CLVS1: variants seen among roughly 807,000 people sequenced by gnomAD.
CLVS1 encodes the protein clavesin 1, also known as clavesin-1.
In CLVS1, 10 loss-of-function variants were observed where a neutral mutation model predicts 33.1. That is an observed-to-expected ratio of 0.30 (90% confidence interval 0.19 to 0.51). The LOEUF (loss-of-function observed/expected upper bound fraction) is 0.51. Ranked by LOEUF, CLVS1 falls within the 20% of genes least tolerant of loss-of-function variation. The pLI, the probability that CLVS1 is intolerant of heterozygous loss-of-function variation, is 0.97. For synonymous variants in CLVS1, 163 were observed against 166.1 expected (o/e 0.98, Z 0.14); for missense variants, 343 against 433.4 (o/e 0.79, Z 1.85).
At chr8:61,414,108 G>A (rs1306065424) in intron 3 of CLVS1, among the ~76,000 whole-genome samples, 2 of 152,160 alleles carry the variant, frequency 1.3e-5, no homozygotes, top group Non-Finnish European at 2.9e-5. Context: ...AATTAAATGA[G>A]GGGAGGGAAA....
chr8:61,455,309 A>G (rs1817110627), intron 4 of CLVS1, among the ~76,000 whole-genome samples: 1 of 151,942 alleles, frequency 6.6e-6, no homozygotes, highest in South Asian at 2.1e-4. Context: ...TCCAAAATCT[A>G]TTCTCATCCT....
rs59169082 is a variant in CLVS1, at chr8:61,074,384, G to A, written c.-243+17154G>A. 1.4e-3 allele frequency among the ~76,000 whole-genome samples: 71 copies of A among 50,380 alleles called. 3 individuals are homozygous for A. In the African/African-American group the frequency reaches 0.015, roughly 11 times the overall value. 33.1% of individuals were successfully genotyped at this position (50,380 alleles called of 152,430 possible). On this transcript the variant is annotated intron_variant, in intron 1 of 2. Transcript: ENST00000522621. ...TGTATATATATATATATAAGTATAT[G>A]TGTATATATATATGTTATATATATA...
At chr8:61,128,042 CATT>C (rs1446343405) in intron 1 of CLVS1, among the ~76,000 whole-genome samples, 3 of 152,224 alleles carry the variant, frequency 2.0e-5, no homozygotes, top group African/African-American at 7.2e-5. Context: ...TTTGAAAACT[CATT>C]AACCAGCTGC....
At chr8:61,131,430 T>G (rs1378943905) in intron 1 of CLVS1, among the ~76,000 whole-genome samples, 2 of 152,182 alleles carry the variant, frequency 1.3e-5, no homozygotes, top group African/African-American at 2.4e-5. Context: ...GGGACAATAT[T>G]GGGCTGGGAG....
At chr8:61,074,140 C>A (rs1585589692) in intron 1 of CLVS1, among the ~76,000 whole-genome samples, 1 of 151,228 alleles carries the variant, frequency 6.6e-6, no homozygotes, top group East Asian at 1.9e-4. Flanking sequence ...GAGTTTGAGA[C>A]CAGCCTGCAC....
At chr8:61,167,258 G>C (rs1210656427) in intron 2 of CLVS1, among the ~76,000 whole-genome samples, 1 of 147,470 alleles carries the variant, frequency 6.8e-6, no homozygotes, top group Non-Finnish European at 1.5e-5. Flanking sequence ...GCAATGGCAT[G>C]ATCTCTGCTC....
chr8:61,376,546 G>T, intron 2 of CLVS1, 59 bp from the exon 3 acceptor site: 1 of 1,535,624 alleles, frequency 6.5e-7, no homozygotes, highest in Non-Finnish European at 8.9e-7. Context: ...ACTGTTGCAC[G>T]CAACATGCTA....
chr8:61,034,651 A>G, the CLVS1 span, among the ~76,000 whole-genome samples: 2 of 152,262 alleles, frequency 1.3e-5, no homozygotes, highest in South Asian at 4.1e-4. Context: ...GATCTTGCTT[A>G]TGTAATTTGG....
chr8:61,377,061 A>G, intron 3 of CLVS1: 1 of 299,542 alleles, frequency 3.3e-6, no homozygotes. Flanking sequence ...TCCATCAGAG[A>G]GTTCACAAAA....
chr8:61,358,887 T>A (rs1250604614), intron 2 of CLVS1, among the ~76,000 whole-genome samples: 1 of 152,214 alleles, frequency 6.6e-6, no homozygotes, highest in African/African-American at 2.4e-5. Flanking sequence ...TTTAAATGTA[T>A]ATTTTTTCTG....
At chr8:61,251,355 G>C (rs1233729462) in intron 2 of CLVS1, among the ~76,000 whole-genome samples, 1 of 152,210 alleles carries the variant, frequency 6.6e-6, no homozygotes, top group Non-Finnish European at 1.5e-5. Flanking sequence ...GTTCATCAGG[G>C]ATATTGGCGT....
In CLVS1 at chr8:61,192,641, A is replaced by G. The variant is rs189454830; in HGVS notation, c.-152+60781A>G. On this transcript the variant is annotated intron_variant, in intron 2 of 2. Transcript: ENST00000522621. ...CTCATCTGACAAAGGGCTAATATCC[A>G]GAATCTACAAAGAACTCAAACAAAT... 8.5e-4 allele frequency among the ~76,000 whole-genome samples: 129 copies of G among 152,390 alleles called. 1 individual carries two copies. The highest frequency in any genetic ancestry group is 3.1e-3 in the Admixed American group (47 of 15,302).
chr8:61,405,221 A>G (rs1476483307), intron 3 of CLVS1, among the ~76,000 whole-genome samples: 1 of 152,174 alleles, frequency 6.6e-6, no homozygotes, highest in Non-Finnish European at 1.5e-5. Flanking sequence ...TAAAAACTCC[A>G]TTACTTGTTT....
At chr8:61,024,624 CA>C in the CLVS1 span, among the ~76,000 whole-genome samples, 9 of 152,148 alleles carry the variant, frequency 5.9e-5, no homozygotes, top group African/African-American at 1.2e-4. Flanking sequence ...TCTCTCCCCC[CA>C]GTCAAGTGTT....
At chr8:61,412,733 G>C (rs183713842) in intron 3 of CLVS1, among the ~76,000 whole-genome samples, 128 of 152,332 alleles carry the variant, frequency 8.4e-4, no homozygotes, top group Middle Eastern at 3.4e-3. Flanking sequence ...GTTTAGCTAA[G>C]ACTAAACCAC....
intron 2 of CLVS1, among the ~76,000 whole-genome samples, chr8:61,179,942 G>A (rs899244488): frequency 1.3e-5 from 2 of 152,066 alleles, no homozygotes; most frequent in African/African-American, 4.8e-5. Flanking sequence ...AGAGAGGCAA[G>A]AGCAAACAAA....
intron 2 of CLVS1, among the ~76,000 whole-genome samples, chr8:61,182,292 C>T (rs775118560): frequency 9.9e-5 from 15 of 152,178 alleles, no homozygotes; most frequent in South Asian, 2.1e-4. Flanking sequence ...ATGATGAAAA[C>T]GCCAAAAGCA....
intron 2 of CLVS1, chr8:61,203,324 C>G: frequency 1.5e-6 from 1 of 657,738 alleles, no homozygotes; most frequent in Non-Finnish European, 2.8e-6. Flanking sequence ...AGAGTGAGAA[C>G]TTTCCCTACC....
intron 2 of CLVS1, among the ~76,000 whole-genome samples, chr8:61,200,788 T>A (rs1191623337): frequency 1.3e-5 from 2 of 152,236 alleles, no homozygotes; most frequent in African/African-American, 4.8e-5. Context: ...ATAGGCAACA[T>A]AATTATTTCA....
Sources: gnomAD v4.1 joint callset for allele counts (sites outside exome capture counted in the v4.1 genomes callset) on GRCh38, gnomAD v4.1.1 for gene constraint, MANE v1.5 for transcripts, NCBI Gene and HGNC (gene_info 2026-07-23, HGNC 2026-07-21) for gene names.